MYH3: variants seen among roughly 807,000 people sequenced by gnomAD.
MYH3 encodes myosin-3.
In MYH3, 130 loss-of-function variants were observed where a neutral mutation model predicts 238.0. The ratio of observed to expected loss-of-function variants is 0.55; its 90% CI spans 0.47 to 0.63. The LOEUF is 0.63. Among genes scored for constraint, MYH3 ranks in the 30% least tolerant of loss-of-function variants. MYH3 has a pLI of 0.00. For synonymous variants in MYH3, 880 were observed against 924.1 expected (o/e 0.95, Z 0.86); for missense variants, 1,853 against 2,374.9 (o/e 0.78, Z 4.57).
At chr17:10,634,556 TAGAC>T (rs2074195433) in intron 31 of MYH3, among the ~76,000 whole-genome samples, 1 of 152,196 alleles carries the variant, frequency 6.6e-6, no homozygotes, top group African/African-American at 2.4e-5. Flanking sequence ...GATCTCAGCT[TAGAC>T]AGACCAGTAG....
the MYH3 span, among the ~76,000 whole-genome samples, chr17:10,669,696 G>A: frequency 6.6e-6 from 1 of 152,112 alleles, no homozygotes; most frequent in South Asian, 2.1e-4. Flanking sequence ...TTGAGCCCAG[G>A]AATTTAAGAC....
chr17:10,648,625 T>G lies in MYH3; in HGVS notation c.667A>C (p.Ser223Arg), dbSNP rs1452635749. The part of the protein sequence containing the change: ...MKGTLEDQII[S>R]ANPLLEAFGN... ...AAGGCCTCCAGCAGGGGATTGGCAC[T>G]GATGATTTGATCTTCCAGAGTCCCC... Residue 223 changes from serine to arginine, a missense_variant, in exon 8 of 41, where the codon AGT (serine) becomes CGT (arginine). Physicochemically the swap from Ser to Arg is moderately radical, Grantham distance 110 (BLOSUM62 -1). Around this residue, in one of 3 missense-constraint regions of MYH3, gnomAD observed 678 missense variants for 1,058.9 expected, o/e 0.64. Coordinates refer to ENST00000583535, the MANE Select transcript of MYH3 (RefSeq NM_002470.4). The G allele has an allele frequency of 1.9e-6, 3 of 1,614,054 alleles. No homozygotes were observed. Among genetic ancestry groups the G allele is most frequent in the Admixed American group, 3.3e-5 (2 of 60,016 alleles).
In MYH3 at chr17:10,645,814, T is replaced by C; in HGVS notation, c.1034A>G (p.Glu345Gly). 6.2e-7 allele frequency: 1 copy of C among 1,613,906 alleles called. No individual in the cohort carries two copies. The highest frequency in any genetic ancestry group is 1.1e-5 in the South Asian group (1 of 91,072). The stretch of plus-strand genomic sequence containing the variant: ...CAGCTTGTAGAGCCCAGATTTCTCT[T>C]CTGGGGTGAAGCCCAGGATGTCAAT... ...SAIDILGFTPEEKSGLYKLTG... is the reference protein window; with the variant it reads ...SAIDILGFTPGEKSGLYKLTG... The change falls in exon 12 of 41, where the codon GAA becomes GGA. Residue 345 changes from glutamate to glycine, a missense_variant. By Grantham distance (98) the Glu-to-Gly change is moderately conservative. This residue lies in a region of MYH3 where 678 missense variants were observed against 1,058.9 expected (regional missense o/e 0.64). Transcript: ENST00000583535.
the MYH3 span, among the ~76,000 whole-genome samples, chr17:10,664,122 C>T: frequency 1.5e-5 from 2 of 134,512 alleles, no homozygotes; most frequent in African/African-American, 2.8e-5. Flanking sequence ...CTTGCAAATA[C>T]AATAAAAATG....
intron 17 of MYH3, 136 bp from the exon 18 acceptor site, chr17:10,641,508 CTTTTTT>C (rs541839271): frequency 3.6e-4 from 42 of 117,350 alleles, no homozygotes; most frequent in Non-Finnish European, 5.2e-4. Flanking sequence ...TTAACTCTGT[CTTTTTT>C]TTTTTTTTTT....
rs749242911 is a variant in MYH3, at chr17:10,642,400, C to T, written c.1888+17G>A. The stretch of plus-strand genomic sequence containing the variant: ...CAAATGGAGGGAAATCACATGGACA[C>T]AAAGCACTCCTCTTACCATCCGCCG... On this transcript the variant is annotated intron_variant, in intron 16 of 40. Transcript: ENST00000583535. This position sits in a 1 kb window ranked among gnomAD's most constrained non-coding sequence, Gnocchi z 5.4. The T allele has an allele frequency of 6.2e-7, 1 of 1,614,146 alleles. No individual in the cohort carries two copies. The highest frequency in any genetic ancestry group is 1.1e-5 in the South Asian group (1 of 91,080).
chr17:10,655,475 G>C (rs920115292), intron 2 of MYH3, among the ~76,000 whole-genome samples: 2 of 152,368 alleles, frequency 1.3e-5, no homozygotes, highest in African/African-American at 2.4e-5. Flanking sequence ...TCTTCAAAGA[G>C]AGTGTGCTAA....
the MYH3 span, among the ~76,000 whole-genome samples, chr17:10,662,716 C>T: frequency 8.5e-5 from 13 of 152,220 alleles, no homozygotes; most frequent in African/African-American, 2.7e-4. Context: ...AGGCATTACA[C>T]TTGATGAGTA....
intron 32 of MYH3, 130 bp from the exon 33 acceptor site, chr17:10,633,845 T>C (rs2074187884): frequency 5.3e-6 from 8 of 1,496,794 alleles, no homozygotes; most frequent in South Asian, 2.3e-5. Context: ...AGAGATAAGA[T>C]ATTGTACAGA....
the MYH3 span, among the ~76,000 whole-genome samples, chr17:10,669,537 A>G: frequency 1.3e-5 from 2 of 149,594 alleles, no homozygotes; most frequent in African/African-American, 4.9e-5. Context: ...ATTGCCCTCC[A>G]GTCTGGGTGA....
At chr17:10,656,723 G>T (rs914279158) in intron 1 of MYH3, among the ~76,000 whole-genome samples, 1 of 152,094 alleles carries the variant, frequency 6.6e-6, no homozygotes, top group Non-Finnish European at 1.5e-5. Context: ...ATTTAGAATC[G>T]GACAGCAGGG....
In MYH3 at chr17:10,631,830, G is replaced by A; in HGVS notation, c.5143C>T (p.Gln1715Ter). 1.2e-6 allele frequency: 2 copies of A among 1,614,146 alleles called. No individual in the cohort carries two copies. The highest frequency in any genetic ancestry group is 1.7e-6 in the Non-Finnish European group (2 of 1,180,034). ...CCCCTCACCTGGGTATGCAGCAGCT[G>A]CACCCTCTCGTTGGAGTCCAGGAGC... The part of the protein sequence containing the change: ...QELLDSNERV[Q>*]LLHTQNTSLI... The change falls in exon 35 of 41, where the codon CAG (glutamine) becomes TAG (stop). Residue 1715 changes from glutamine to a stop codon, truncating the protein, a stop_gained. Transcript: ENST00000583535. LOFTEE classifies it high-confidence loss of function.
At chr17:10,639,212 T>G in intron 24 of MYH3, 23 bp from the exon 25 acceptor site, 1 of 1,614,186 alleles carries the variant, frequency 6.2e-7, no homozygotes, top group Non-Finnish European at 8.5e-7. Flanking sequence ...CCATTTCCTT[T>G]TGGGAACAAA....
In MYH3 at chr17:10,654,404, GGCT is replaced by G. The variant is rs1467712876; in HGVS notation, c.204+454_204+456del. Among the ~76,000 whole-genome samples the G allele has an allele frequency of 6.6e-6, 1 of 152,236 alleles. No individual in the cohort carries two copies. The highest frequency in any genetic ancestry group is 2.4e-5 in the African/African-American group (1 of 41,468). ...GCTCATCCCCTTCATGATACAAGGA[GGCT>G]GCTATTTCACTGAGCTTGTGGTCCC... On this transcript the variant is annotated intron_variant, in intron 3 of 40. Transcript: ENST00000583535. This position sits in a 1 kb window ranked among gnomAD's most constrained non-coding sequence, Gnocchi z 4.5.
chr17:10,672,889 T>C, the MYH3 span: 1 of 152,202 alleles, frequency 6.6e-6, no homozygotes, highest in African/African-American at 2.4e-5. Context: ...TTTTTGCATA[T>C]TTACAACTGG....
Position 10,637,857 on chromosome 17 carries a change from TC to T in MYH3, c.3807del (p.Ser1270AlafsTer2). ...TTCTGTGTGGTCAGCTCGCTCAGGCTCCTCTGAATTTCCTCATTCTTGCCCC... is the reference window on the plus strand; with the variant it reads ...TTCTGTGTGGTCAGCTCGCTCAGGCTCTCTGAATTTCCTCATTCTTGCCCC... ...EARGKNEEIQ[R>X]SLSELTTQKS... On this transcript the variant is annotated frameshift_variant, in exon 28 of 41. Coordinates refer to ENST00000583535, the MANE Select transcript of MYH3 (RefSeq NM_002470.4). LOFTEE classifies it high-confidence loss of function. 6.2e-7 allele frequency: 1 copy of T among 1,614,060 alleles called. No homozygotes were observed. The highest frequency in any genetic ancestry group is 8.5e-7 in the Non-Finnish European group (1 of 1,180,012).
the MYH3 span, chr17:10,674,684 G>A: frequency 1.2e-3 from 180 of 152,660 alleles, 1 homozygote; most frequent in East Asian, 0.025. Context: ...ACATTGTGAT[G>A]GCGAAACCAC....
intron 28 of MYH3, 21 bp downstream of exon 28, chr17:10,637,788 G>T: frequency 1.2e-6 from 2 of 1,613,766 alleles, no homozygotes; most frequent in Non-Finnish European, 1.7e-6. Flanking sequence ...TGGCCCCACG[G>T]GTTTTCTGCA....
intron 28 of MYH3, 140 bp from the exon 29 acceptor site, chr17:10,635,993 A>G: frequency 1.3e-6 from 1 of 777,466 alleles, no homozygotes; most frequent in Non-Finnish European, 2.2e-6. Flanking sequence ...GAGAAGGTAT[A>G]TGGTTCATGA....
Sources: allele counts gnomAD v4.1 joint callset (sites outside exome capture counted in the v4.1 genomes callset), GRCh38; gene constraint gnomAD v4.1.1; regional missense constraint gnomAD v4.1.1; non-coding constraint Gnocchi (gnomAD v3.1); transcripts MANE v1.5; gene names NCBI Gene and HGNC (gene_info 2026-07-23, HGNC 2026-07-21).